The following SF3B4 variants were observed in gnomAD, a reference collection of about 807,000 sequenced individuals.
SF3B4 encodes the protein SAP 49.
SF3B4 carries 3 observed loss-of-function variants against 34.3 expected under a neutral mutation model. The observed-to-expected ratio is 0.09, with a 90% CI of 0.04 to 0.23. The LOEUF (loss-of-function observed/expected upper bound fraction) is 0.23. SF3B4 is among the 10% of genes least tolerant of loss of function. SF3B4 has a pLI of 1.00. For missense variants in SF3B4, 283 were observed against 567.2 expected, an observed-to-expected ratio of 0.50 and a Z score of 5.09; for synonymous variants, 216 against 207.8, an observed-to-expected ratio of 1.04 and a Z score of -0.34.
intron 1 of SF3B4, 163 bp downstream of exon 1, chr1:149,927,563 C>T: frequency 1.1e-6 from 1 of 939,048 alleles, no homozygotes; most frequent in Non-Finnish European, 1.6e-6. Context: ...CCAGAGGCCT[C>T]AGCCAGCACC....
In SF3B4 at chr1:149,926,881, A is replaced by G. The variant is rs200465365; in HGVS notation, c.201T>C (p.Ala67=). ...TGTTCATGATCTTAATGGCATAGTC[A>G]GCATCTTCCTCACTCAAGAATTCCA... is the stretch of plus-strand genomic sequence containing the variant. ...GFVEFLSEED[A]DYAIKIMNMI... The change falls in exon 3 of 6, where the codon GCT becomes GCC. Residue 67 remains alanine, a synonymous_variant. Coordinates refer to ENST00000271628, the MANE Select transcript of SF3B4 (RefSeq NM_005850.5). This position sits in a 1 kb window ranked among gnomAD's most constrained non-coding sequence, Gnocchi z 6.2. 1.2e-6 allele frequency: 2 copies of G among 1,612,008 alleles called. No homozygotes were observed. Among genetic ancestry groups the G allele is most frequent in the Admixed American group, 1.7e-5 (1 of 59,648 alleles).
chr1:149,923,482 T>G lies in SF3B4; in HGVS notation c.*60A>C, dbSNP rs587610611. 135 of 1,353,860 alleles carry G rather than the reference T, an allele frequency of 1.0e-4. No individual in the cohort carries two copies. In the African/African-American group the frequency reaches 1.7e-3, roughly 17 times the overall value. The allele number at this position is 1,353,860 out of a possible 1,614,324, so 83.9% of individuals were successfully genotyped here. On this transcript the variant is annotated 3_prime_UTR_variant, in exon 6 of 6. Coordinates refer to ENST00000271628, the MANE Select transcript of SF3B4 (RefSeq NM_005850.5). ...CCCCAAGGAGCTACAGCATCTCTGA[T>G]TGGTCCAAGGAATAGAAAAGATATT...
intron 4 of SF3B4, among the ~76,000 whole-genome samples, chr1:149,924,570 T>C (rs921769722): frequency 6.6e-6 from 1 of 152,168 alleles, no homozygotes; most frequent in African/African-American, 2.4e-5. Context: ...TCTTCCATGA[T>C]TTAGGTACTG....
chr1:149,924,933 A>G (rs1464595824), intron 4 of SF3B4, among the ~76,000 whole-genome samples: 1 of 152,236 alleles, frequency 6.6e-6, no homozygotes, highest in Non-Finnish European at 1.5e-5. Flanking sequence ...AGGAATTCTG[A>G]GCAAGTGTGT....
chr1:149,927,318 G>A, intron 1 of SF3B4, 24 bp from the exon 2 acceptor site: 1 of 1,611,566 alleles, frequency 6.2e-7, no homozygotes, highest in Non-Finnish European at 8.5e-7. Flanking sequence ...AGCAAAAAGA[G>A]CAAGCGTGAG....
intron 1 of SF3B4, 191 bp downstream of exon 1, chr1:149,927,535 C>A: frequency 1.3e-6 from 1 of 757,412 alleles, no homozygotes; most frequent in East Asian, 2.7e-5. Flanking sequence ...AGCAGGGGAC[C>A]GGACTTAAGT....
At chr1:149,927,071 A>G in intron 2 of SF3B4, 95 bp downstream of exon 2, 1 of 1,536,588 alleles carries the variant, frequency 6.5e-7, no homozygotes, top group South Asian at 1.2e-5. Flanking sequence ...GAGGCTTAAA[A>G]GAAAAAAATC....
chr1:149,926,672 T>G lies in SF3B4; in HGVS notation c.410A>C (p.Asp137Ala). ...LQTPKIMRDP[D>A]TGNSKGYAFI... ...GGCATAACCTTTGGAGTTGCCTGTG[T>G]CAGGGTCCCGCATAATTTTGGGGGT... The change falls in exon 3 of 6, where the codon GAC (aspartate) becomes GCC (alanine). Residue 137 changes from aspartate (D) to alanine (A), a missense_variant. Asp to Ala is a moderately radical substitution (Grantham distance 126, BLOSUM62 -2). Transcript: ENST00000271628. The surrounding 1 kb of genome is among the most constrained non-coding windows in gnomAD (Gnocchi z 6.2). 6.2e-7 allele frequency: 1 copy of G among 1,614,172 alleles called. No homozygotes were observed. Among genetic ancestry groups the G allele is most frequent in the Non-Finnish European group, 8.5e-7 (1 of 1,179,998 alleles).
Position 149,923,703 on chromosome 1 carries a change from C to T in SF3B4, c.1114G>A (p.Gly372Ser). Residue 372 changes from glycine (G) to serine (S), a missense_variant, in exon 6 of 6, where the codon GGT becomes AGT. Physicochemically the swap from Gly to Ser is moderately conservative, Grantham distance 56. Around this residue, in one of 4 missense-constraint regions of SF3B4, gnomAD observed 208 missense variants for 292.6 expected, o/e 0.71. Coordinates refer to ENST00000271628, the MANE Select transcript of SF3B4 (RefSeq NM_005850.5). ...ATCAGTGGAGGAGGTCCACGCATAC[C>T]ATGCGGAGGCATAGGACCTGGGTGA... ...MGHPGPMPPHGMRGPPPLMPP... is the reference protein window; with the variant it reads ...MGHPGPMPPHSMRGPPPLMPP... 5 of 1,516,110 alleles carry T rather than the reference C, an allele frequency of 3.3e-6. No individual in the cohort carries two copies. The highest frequency in any genetic ancestry group is 4.4e-6 in the Non-Finnish European group (5 of 1,141,120). 93.9% of individuals were successfully genotyped at this position (1,516,110 alleles called of 1,614,324 possible). A position where few individuals can be genotyped will look rare whatever the true frequency, so the allele number is the denominator to read the frequency against.
At chr1:149,925,086 G>C (rs1224316121) in intron 4 of SF3B4, among the ~76,000 whole-genome samples, 1 of 152,204 alleles carries the variant, frequency 6.6e-6, no homozygotes, top group African/African-American at 2.4e-5. Flanking sequence ...CACTGGCCAT[G>C]GGGAGAGATG....
chr1:149,923,918 G>A lies in SF3B4; in HGVS notation c.1010C>T (p.Pro337Leu). ...TCCAGGATGAGGCATTCCAGGTGGT[G>A]GTCGGGGCGGTGGCTGGCCCCCAGA... ...PGSGGQPPPRPPPGMPHPGPP... is the reference protein window; with the variant it reads ...PGSGGQPPPRLPPGMPHPGPP... The change falls in exon 5 of 6, where the codon CCA (proline) becomes CTA (leucine). Residue 337 changes from proline (P) to leucine (L), a missense_variant. Physicochemically the swap from Pro to Leu is moderately conservative, Grantham distance 98. Around this residue, in one of 4 missense-constraint regions of SF3B4, gnomAD observed 208 missense variants for 292.6 expected, o/e 0.71. Coordinates refer to ENST00000271628, the MANE Select transcript of SF3B4 (RefSeq NM_005850.5). The A allele has an allele frequency of 1.9e-6, 3 of 1,602,058 alleles. No individual in the cohort carries two copies. Among genetic ancestry groups the A allele is most frequent in the Non-Finnish European group, 2.6e-6 (3 of 1,176,382 alleles).
intron 4 of SF3B4, among the ~76,000 whole-genome samples, chr1:149,925,351 G>C (rs897660767): frequency 6.6e-6 from 1 of 152,138 alleles, no homozygotes; most frequent in East Asian, 1.9e-4. Context: ...GATATATGCA[G>C]AAAAGAGAAA....
rs1357393679 is a variant in SF3B4 at position 149,926,069 on chromosome 1, G to A, written c.707-27C>T. 3.5e-6 allele frequency: 4 copies of A among 1,149,662 alleles called. No homozygotes were observed. In the African/African-American group the frequency reaches 4.7e-5, roughly 13 times the overall value. 71.2% of individuals were successfully genotyped at this position (1,149,662 alleles called of 1,614,324 possible). A position where few individuals can be genotyped will look rare whatever the true frequency, so the allele number is the denominator to read the frequency against. ...TATAGAGGAAATGGAAAAAGGAAGA[G>A]TTAATGGTAGTGAGGAGAAAATGTC... On this transcript the variant is annotated intron_variant, in intron 3 of 5. Coordinates refer to ENST00000271628, the MANE Select transcript of SF3B4 (RefSeq NM_005850.5). The surrounding 1 kb of genome is among the most constrained non-coding windows in gnomAD (Gnocchi z 6.2).
At chr1:149,924,975 G>GA (rs1311092247) in intron 4 of SF3B4, among the ~76,000 whole-genome samples, 2 of 152,202 alleles carry the variant, frequency 1.3e-5, no homozygotes, top group African/African-American at 2.4e-5. Context: ...CCTACACTGT[G>GA]AAAGTAGATC....
At chr1:149,927,105 A>C in intron 2 of SF3B4, 61 bp downstream of exon 2, 2 of 1,589,802 alleles carry the variant, frequency 1.3e-6, no homozygotes, top group South Asian at 1.1e-5. Flanking sequence ...TGTTATTCCA[A>C]AACAGTTGTG....
chr1:149,927,611 G>T, intron 1 of SF3B4, 115 bp downstream of exon 1: 1 of 1,374,950 alleles, frequency 7.3e-7, no homozygotes, highest in Non-Finnish European at 1.0e-6. Flanking sequence ...GGCCGGTCTC[G>T]CGCCCTCTGG....
chr1:149,923,778 G>A, intron 5 of SF3B4, 49 bp from the exon 6 acceptor site: 1 of 1,524,270 alleles, frequency 6.6e-7, no homozygotes, highest in African/African-American at 1.4e-5. Context: ...CAAGGGGTGT[G>A]CCTACAGGAA....
intron 4 of SF3B4, 140 bp from the exon 5 acceptor site, chr1:149,924,154 G>A: frequency 1.3e-6 from 1 of 751,006 alleles, no homozygotes; most frequent in South Asian, 2.0e-5. Context: ...AGAAAATAAG[G>A]CTGGCTGGGC....
Position 149,926,232 on chromosome 1 carries a change from T to C in SF3B4, c.706+144A>G. Reference sequence around the variant, plus strand: ...CTAAAGAAACCCAACAACTTTCTTCTTCACCACTACCATCACCCCTCAGTC... The same window carrying C: ...CTAAAGAAACCCAACAACTTTCTTCCTCACCACTACCATCACCCCTCAGTC... On this transcript the variant is annotated intron_variant, in intron 3 of 5. Coordinates refer to ENST00000271628, the MANE Select transcript of SF3B4 (RefSeq NM_005850.5). This position sits in a 1 kb window ranked among gnomAD's most constrained non-coding sequence, Gnocchi z 6.2. 2 of 793,966 alleles carry C rather than the reference T, an allele frequency of 2.5e-6. No individual in the cohort carries two copies. The highest frequency in any genetic ancestry group is 4.0e-6 in the Non-Finnish European group (2 of 505,848). 49.2% of individuals were successfully genotyped at this position (793,966 alleles called of 1,614,324 possible). A position where few individuals can be genotyped will look rare whatever the true frequency, so the allele number is the denominator to read the frequency against.
Sources: gnomAD v4.1 joint callset for allele counts (sites outside exome capture counted in the v4.1 genomes callset) on GRCh38, gnomAD v4.1.1 for gene constraint, gnomAD v4.1.1 regional missense constraint, Gnocchi (gnomAD v3.1) non-coding constraint, MANE v1.5 for transcripts, NCBI Gene and HGNC (gene_info 2026-07-23, HGNC 2026-07-21) for gene names.